The following DST variants were observed in gnomAD, a reference collection of about 807,000 sequenced individuals.
DST encodes bullous pemphigoid antigen.
Under a neutral mutation model 875.2 loss-of-function variants are expected in DST, and 253 were observed. The ratio of observed to expected loss-of-function variants is 0.29; its 90% CI spans 0.26 to 0.32. The LOEUF is 0.32. Among genes scored for constraint, DST ranks in the 10% least tolerant of loss-of-function variants. DST has a pLI of 1.00. For synonymous variants in DST, 3,124 were observed against 3,197.1 expected, an observed-to-expected ratio of 0.98 and a Z score of 0.77; for missense variants, 8,287 against 9,111.6, an observed-to-expected ratio of 0.91 and a Z score of 3.68.
At chr6:56,470,573 A>G (rs191644967) in intron 95 of DST, among the ~76,000 whole-genome samples, 6 of 152,264 alleles carry the variant, frequency 3.9e-5, no homozygotes, top group African/African-American at 1.4e-4. Flanking sequence ...AATAAATTAT[A>G]TGAAATTTAC....
intron 5 of DST, among the ~76,000 whole-genome samples, chr6:56,732,377 G>C (rs1239832005): frequency 6.6e-6 from 1 of 152,078 alleles, no homozygotes; most frequent in Admixed American, 6.5e-5. Flanking sequence ...TGTTTTTCAA[G>C]CTTCTGTGCC....
chr6:56,925,031 A>G (rs188447002), intron 2 of DST, among the ~76,000 whole-genome samples: 1 of 152,360 alleles, frequency 6.6e-6, no homozygotes, highest in East Asian at 1.9e-4. Flanking sequence ...TACCAACAGC[A>G]TAGTAGGAAA....
chr6:56,463,101 A>G lies in DST; in HGVS notation c.23015T>C (p.Met7672Thr), dbSNP rs751377992. The G allele has an allele frequency of 3.7e-6, 6 of 1,613,732 alleles. No individual in the cohort carries two copies. The African/African-American group carries it at 6.7e-5, about 18-fold the overall frequency. The change falls in exon 102 of 104, where the codon ATG becomes ACG. Residue 7672 changes from methionine to threonine, a missense_variant. Around this residue, in one of 10 missense-constraint regions of DST, gnomAD observed 240 missense variants for 237.3 expected, o/e 1.01. Transcript: ENST00000680361. ...YGKPWLTNSKMSTPCKAAECS... is the reference protein window; with the variant it reads ...YGKPWLTNSKTSTPCKAAECS... ...CTCTGCTGCTTTACAAGGAGTTGACATTTTGCTGTTTGTCAACCATGGTTT... is the reference window on the plus strand; with the variant it reads ...CTCTGCTGCTTTACAAGGAGTTGACGTTTTGCTGTTTGTCAACCATGGTTT...
chr6:56,660,440 A>T (rs1233897973), intron 10 of DST, among the ~76,000 whole-genome samples: 1 of 152,202 alleles, frequency 6.6e-6, no homozygotes, highest in Non-Finnish European at 1.5e-5. Flanking sequence ...CTGAAGACAC[A>T]TATGCCACTT....
chr6:56,733,592 G>A (rs1301811874), intron 5 of DST, among the ~76,000 whole-genome samples: 1 of 152,196 alleles, frequency 6.6e-6, no homozygotes, highest in East Asian at 1.9e-4. Flanking sequence ...CACAAATAAT[G>A]AATTGCAAAG....
chr6:56,764,097 G>A (rs868779845), intron 4 of DST, among the ~76,000 whole-genome samples: 3 of 142,016 alleles, frequency 2.1e-5, no homozygotes, highest in Admixed American at 7.0e-5. Flanking sequence ...AAGTGCACAT[G>A]CACACACACA....
intron 2 of DST, among the ~76,000 whole-genome samples, chr6:56,948,821 C>T (rs1282706300): frequency 6.6e-6 from 1 of 152,180 alleles, no homozygotes; most frequent in African/African-American, 2.4e-5. Flanking sequence ...TCTTTACCTG[C>T]CTTAAGCACC....
Position 56,918,725 on chromosome 6 carries a change from A to G in DST, c.217-18104T>C, listed in dbSNP as rs571494607. ...AACACTGGATAATATAAATCTTTATATCTGTTGCCTATGTGATGGACAAAA... is the reference window on the plus strand; with the variant it reads ...AACACTGGATAATATAAATCTTTATGTCTGTTGCCTATGTGATGGACAAAA... On this transcript the variant is annotated intron_variant, in intron 2 of 103. Transcript: ENST00000680361. Among the ~76,000 whole-genome samples, 518 of 152,240 alleles carry G rather than the reference A, an allele frequency of 3.4e-3. 5 individuals are homozygous for G. The highest frequency in any genetic ancestry group is 0.012 in the African/African-American group (494 of 41,552).
At chr6:56,941,764 A>T (rs35961728) in intron 2 of DST, among the ~76,000 whole-genome samples, 2 of 152,102 alleles carry the variant, frequency 1.3e-5, no homozygotes, top group Non-Finnish European at 2.9e-5. Flanking sequence ...TATAGGCATG[A>T]GCCACCGTGC....
chr6:56,496,074 A>G (rs1398999343), intron 82 of DST, among the ~76,000 whole-genome samples: 6 of 152,214 alleles, frequency 3.9e-5, no homozygotes, highest in Non-Finnish European at 8.8e-5. Flanking sequence ...CTCCCAAGAT[A>G]ATAATCATCA....
At chr6:56,740,410 T>C (rs1215392053) in intron 4 of DST, among the ~76,000 whole-genome samples, 1 of 152,128 alleles carries the variant, frequency 6.6e-6, no homozygotes, top group Non-Finnish European at 1.5e-5. Flanking sequence ...GCACTCACCA[T>C]GTATGCAAGC....
intron 4 of DST, among the ~76,000 whole-genome samples, chr6:56,740,450 GGGCAGTCAGGTGGGGCTTAAAGGACA>G (rs1422033808): frequency 6.6e-6 from 1 of 152,196 alleles, no homozygotes; most frequent in Non-Finnish European, 1.5e-5. Flanking sequence ...ACCTCATCCA[GGGCAGTCAGGTGGGGCTTAAAGGACA>G]GGAAGTAGGG....
Position 56,631,907 on chromosome 6 carries a change from A to G in DST, c.3939T>C (p.Ser1313=). 1 of 1,614,040 alleles carries G rather than the reference A, an allele frequency of 6.2e-7. No homozygotes were observed. The highest frequency in any genetic ancestry group is 8.5e-7 in the Non-Finnish European group (1 of 1,179,952). ...TPLERDDLHE[S]VFRITEQEKL... is the part of the protein sequence containing the mutation. Reference sequence around the variant, plus strand: ...CCTCCTGTTCTGTGATTCTGAACACACTTTCATGCAAATCATCTCTTTCCA... The same window carrying G: ...CCTCCTGTTCTGTGATTCTGAACACGCTTTCATGCAAATCATCTCTTTCCA... Residue 1313 remains serine, a synonymous_variant, in exon 29 of 104, where the codon AGT becomes AGC. Transcript: ENST00000680361.
chr6:56,466,251 G>A lies in DST; in HGVS notation c.22570-56C>T, dbSNP rs149834967. The A allele has an allele frequency of 3.2e-4, 403 of 1,248,474 alleles. 1 individual carries two copies. The African/African-American group carries it at 5.6e-3, about 17-fold the overall frequency. 77.3% of individuals were successfully genotyped at this position (1,248,474 alleles called of 1,614,324 possible). A position where few individuals can be genotyped will look rare whatever the true frequency, so the allele number is the denominator to read the frequency against. Reference sequence around the variant, plus strand: ...TTGTCAATAATAATTCTAAACTACAGGATGATGTGCAATTTGCAGTAGCTA... The same window carrying A: ...TTGTCAATAATAATTCTAAACTACAAGATGATGTGCAATTTGCAGTAGCTA... On this transcript the variant is annotated intron_variant, in intron 98 of 103. Transcript: ENST00000680361.
chr6:56,847,002 C>CAA lies in DST; in HGVS notation c.625+4393_625+4394dup, dbSNP rs569665465. On this transcript the variant is annotated intron_variant, in intron 4 of 103. Transcript: ENST00000680361. ...TGAGAAAGAGAGGAAGACCCTGTCT[C>CAA]AAAAAAAAAAAAAAAAAAAAAAAAG... is the stretch of plus-strand genomic sequence containing the variant. 6.1e-3 allele frequency among the ~76,000 whole-genome samples: 313 copies of CAA among 51,660 alleles called. 1 individual carries two copies. The highest frequency in any genetic ancestry group is 6.7e-3 in the Non-Finnish European group (171 of 25,604). 33.9% of individuals were successfully genotyped at this position (51,660 alleles called of 152,430 possible).
chr6:56,592,087 T>TC, intron 49 of DST, 95 bp downstream of exon 49: 3 of 1,110,450 alleles, frequency 2.7e-6, no homozygotes, highest in Non-Finnish European at 3.9e-6. Context: ...CATCATTTGT[T>TC]CCCCTCTCTT....
chr6:56,744,850 T>C (rs1349691988), intron 4 of DST, among the ~76,000 whole-genome samples: 1 of 152,198 alleles, frequency 6.6e-6, no homozygotes, highest in Non-Finnish European at 1.5e-5. Flanking sequence ...AAATGGGTAA[T>C]AGGAAAAAGT....
chr6:56,614,940 AT>A, intron 36 of DST: 2 of 993,510 alleles, frequency 2.0e-6, no homozygotes. Flanking sequence ...CATAATATTC[AT>A]AATGTTAGCT....
rs576218257 is a variant in DST at position 56,545,813 on chromosome 6, T to C, written c.16608+6371A>G. On this transcript the variant is annotated intron_variant, in intron 61 of 103. Coordinates refer to ENST00000680361, the MANE Select transcript of DST (RefSeq NM_001374736.1). ...TATTATCAATGAATAACTCTTGGCC[T>C]GATAGCTCTTGAAATCAGGATGAGA... is the stretch of plus-strand genomic sequence containing the variant. Among the ~76,000 whole-genome samples, 9 of 152,326 alleles carry C rather than the reference T, an allele frequency of 5.9e-5. No homozygotes were observed. The South Asian group carries it at 1.9e-3, about 32-fold the overall frequency.
Sources: gnomAD v4.1 joint callset for allele counts (sites outside exome capture counted in the v4.1 genomes callset) on GRCh38, gnomAD v4.1.1 for gene constraint, gnomAD v4.1.1 regional missense constraint, MANE v1.5 for transcripts, NCBI Gene and HGNC (gene_info 2026-07-23, HGNC 2026-07-21) for gene names.